IRX4: variants seen among roughly 807,000 people sequenced by gnomAD.
IRX4 encodes iroquois homeobox 4.
In IRX4, 22 loss-of-function variants were observed where a neutral mutation model predicts 32.0. The ratio of observed to expected loss-of-function variants is 0.69; its 90% CI spans 0.49 to 0.98. The LOEUF (loss-of-function observed/expected upper bound fraction) is 0.98, where lower values mean the gene tolerates loss of function less well. Among genes scored for constraint, IRX4 ranks in the 50% least tolerant of loss-of-function variants. The probability of loss-of-function intolerance (pLI) is 0.00; values close to 1 mark genes in which losing one functional copy is unlikely to be tolerated. For synonymous variants in IRX4, 379 were observed against 351.7 expected (o/e 1.08, Z -0.87); for missense variants, 840 against 744.2 (o/e 1.13, Z -1.50).
chr5:1,883,793 C>T (rs113210177), upstream of IRX4, among the ~76,000 whole-genome samples: 3 of 152,180 alleles, frequency 2.0e-5, no homozygotes, highest in Non-Finnish European at 2.9e-5. Context: ...CGGCTTCCCC[C>T]TGCCCCTCGC....
Position 1,877,945 on chromosome 5 carries a change from T to C in IRX4, c.*24A>G. On this transcript the variant is annotated 3_prime_UTR_variant, in exon 5 of 5. Coordinates refer to ENST00000231357, the MANE Select transcript of IRX4 (RefSeq NM_016358.3). Reference sequence around the variant, plus strand: ...GCCGTCCGCCTGAGCGCGGGTTCCCTCCTGGGCTCGGGACCCGCCCGCCTC... The same window carrying C: ...GCCGTCCGCCTGAGCGCGGGTTCCCCCCTGGGCTCGGGACCCGCCCGCCTC... The C allele has an allele frequency of 6.7e-7, 1 of 1,493,354 alleles. No individual in the cohort carries two copies. The highest frequency in any genetic ancestry group is 8.9e-7 in the Non-Finnish European group (1 of 1,124,130). 92.5% of individuals were successfully genotyped at this position (1,493,354 alleles called of 1,614,324 possible).
chr5:1,880,065 C>G lies in IRX4; in HGVS notation c.408-233G>C, dbSNP rs1360233309. On this transcript the variant is annotated intron_variant, in intron 3 of 4. Coordinates refer to ENST00000231357, the MANE Select transcript of IRX4 (RefSeq NM_016358.3). ...CAAAGATTATATTTGACTAAACTTA[C>G]AGGGAGCCTGGGCTCCTTCCCAAGC... is the stretch of plus-strand genomic sequence containing the variant. 4.6e-6 allele frequency: 7 copies of G among 1,533,832 alleles called. No homozygotes were observed. In the Admixed American group the frequency reaches 1.4e-4, roughly 30 times the overall value.
At position 1,882,006 on chromosome 5, in the gene IRX4, C is replaced by A. The variant is rs61751233; in HGVS notation, c.99G>T (p.Thr33=). 3.2e-3 allele frequency: 5,010 copies of A among 1,547,960 alleles called. 12 individuals are homozygous for A. Among genetic ancestry groups the A allele is most frequent in the Non-Finnish European group, 4.1e-3 (4,664 of 1,146,600 alleles). ...AGGCGGCGGGCCCGGAGTCCGCCAG[C>A]GTGCGGCCTCCGGACTCGCAGCACG... ...LSTCCESGGR[T]LADSGPAASA... is the part of the protein sequence containing the mutation. The change falls in exon 2 of 5, where the codon ACG becomes ACT. Residue 33 remains threonine (T), a synonymous_variant. Transcript: ENST00000231357.
In IRX4 at chr5:1,878,613, T is replaced by C. The variant is rs1395683715; in HGVS notation, c.916A>G (p.Met306Val). ...PVKEASGALR[M>V]SLAAGGGAAL... is the part of the protein sequence containing the mutation. ...GCTCCGCCACCCGCGGCCAGAGACA[T>C]CCGGAGCGCGCCTGAGGCCTCCTTG... The change falls in exon 5 of 5, where the codon ATG becomes GTG. Residue 306 changes from methionine (M) to valine (V), a missense_variant. Met to Val is a conservative substitution (Grantham distance 21). Transcript: ENST00000231357. 6.4e-7 allele frequency: 1 copy of C among 1,565,708 alleles called. No individual in the cohort carries two copies. Among genetic ancestry groups the C allele is most frequent in the African/African-American group, 1.4e-5 (1 of 73,386 alleles).
At chr5:1,882,150 G>C in intron 1 of IRX4, 91 bp from the exon 2 acceptor site, 2 of 1,431,534 alleles carry the variant, frequency 1.4e-6, no homozygotes, top group Non-Finnish European at 1.8e-6. Context: ...CCACGAGGGC[G>C]TGCCCCGAGT....
chr5:1,882,001 G>A lies in IRX4; in HGVS notation c.104C>T (p.Ala35Val). ...TCCESGGRTLADSGPAASAQA... is the reference protein window; with the variant it reads ...TCCESGGRTLVDSGPAASAQA... ...GGCCGAGGCGGCGGGCCCGGAGTCC[G>A]CCAGCGTGCGGCCTCCGGACTCGCA... Residue 35 changes from alanine (A) to valine (V), a missense_variant, in exon 2 of 5, where the codon GCG (alanine) becomes GTG (valine). Physicochemically the swap from Ala to Val is moderately conservative, Grantham distance 64. Transcript: ENST00000231357. 1.9e-6 allele frequency: 3 copies of A among 1,548,000 alleles called. No individual in the cohort carries two copies. The highest frequency in any genetic ancestry group is 2.6e-6 in the Non-Finnish European group (3 of 1,146,518).
rs6876836 is a variant in IRX4, at chr5:1,882,786, C to T, written c.-139G>A. 0.72 allele frequency: 329,686 copies of T among 459,362 alleles called. 119,523 individuals carry two copies. Among genetic ancestry groups the T allele is most frequent in the Non-Finnish European group, 0.75 (197,991 of 264,224 alleles). 28.5% of individuals were successfully genotyped at this position (459,362 alleles called of 1,614,324 possible). On this transcript the variant is annotated 5_prime_UTR_variant, in exon 1 of 5. Coordinates refer to ENST00000231357, the MANE Select transcript of IRX4 (RefSeq NM_016358.3). ...GCAGGAGAGCCGGTTAGTCCATCCC[C>T]GCGCTCCGCAAACTTTTCTAACCGG...
At position 1,879,550 on chromosome 5, in the gene IRX4, GC is replaced by G. The variant is rs1401497400; in HGVS notation, c.689del (p.Gly230AlafsTer46). The G allele has an allele frequency of 6.2e-7, 1 of 1,612,970 alleles. No individual in the cohort carries two copies. The highest frequency in any genetic ancestry group is 8.5e-7 in the Non-Finnish European group (1 of 1,179,936). On this transcript the variant is annotated frameshift_variant, in exon 4 of 5. Coordinates refer to ENST00000231357, the MANE Select transcript of IRX4 (RefSeq NM_016358.3). LOFTEE classifies it low-confidence loss of function (END_TRUNC). ...PYAEGEEEEG[G>X]EEEAREEPLK... ...GGGGCTCCTCCCGCGCCTCCTCCTC[GC>G]CCCCCTCCTCCTCCTCGCCCTCCGC...
At chr5:1,881,684 C>A (rs2111446634) in intron 2 of IRX4, 124 bp downstream of exon 2, 1 of 1,239,602 alleles carries the variant, frequency 8.1e-7, no homozygotes, top group Admixed American at 2.2e-5. Flanking sequence ...TTGAAGGCAG[C>A]CAAGGTGAGC....
At chr5:1,884,387 C>A (rs1197717914), upstream of IRX4, 1 of 152,396 alleles carries the variant, frequency 6.6e-6, no homozygotes, top group Non-Finnish European at 1.5e-5. Flanking sequence ...TCTGCCTGCT[C>A]TTTTGACAGC....
intron 2 of IRX4, 35 bp from the exon 3 acceptor site, chr5:1,880,869 A>G: frequency 6.5e-7 from 1 of 1,543,010 alleles, no homozygotes; most frequent in South Asian, 1.1e-5. Flanking sequence ...CGCAGTTTCC[A>G]GGGAGGCAAC....
chr5:1,878,482 G>C lies in IRX4; in HGVS notation c.1047C>G (p.Ala349=), dbSNP rs201313799. The change falls in exon 5 of 5, where the codon GCC becomes GCG. Residue 349 remains alanine (A), a synonymous_variant. Transcript: ENST00000231357. ...CCCCCGCCGGCACAAACCCCAGCTT[G>C]GCCTCGCAGACCTGAGGGCCGCCCT... ...GAEGGPQVCE[A]KLGFVPAGAS... 2.4e-3 allele frequency: 3,398 copies of C among 1,444,978 alleles called. 8 individuals are homozygous for C. Among genetic ancestry groups the C allele is most frequent in the Middle Eastern group, 0.019 (103 of 5,458 alleles). The allele number at this position is 1,444,978 out of a possible 1,614,324, so 89.5% of individuals were successfully genotyped here.
upstream of IRX4, among the ~76,000 whole-genome samples, chr5:1,886,234 G>C (rs924217510): frequency 6.6e-6 from 1 of 152,236 alleles, no homozygotes; most frequent in Non-Finnish European, 1.5e-5. Context: ...TTACCCTGGG[G>C]GCCACCAGTT....
At chr5:1,881,078 A>T (rs1489627606) in intron 2 of IRX4, 5 of 237,598 alleles carry the variant, frequency 2.1e-5, no homozygotes, top group African/African-American at 6.1e-5. Context: ...GGCGGGGGGG[A>T]GGAGGTGCAG....
At chr5:1,885,344 G>C (rs908328367), upstream of IRX4, among the ~76,000 whole-genome samples, 1 of 152,162 alleles carries the variant, frequency 6.6e-6, no homozygotes, top group African/African-American at 2.4e-5. Context: ...GGCTTCCTTT[G>C]ACCACCACCG....
At chr5:1,883,884 A>C (rs989952963), upstream of IRX4, 3 of 151,978 alleles carry the variant, frequency 2.0e-5, no homozygotes, top group African/African-American at 7.3e-5. Flanking sequence ...CCTCCCGCTA[A>C]GCTCGTCCCT....
At position 1,881,980 on chromosome 5, in the gene IRX4, G is replaced by T. The variant is rs751375320; in HGVS notation, c.125C>A (p.Ser42Ter). The change falls in exon 2 of 5, where the codon TCG (serine) becomes TAG (stop). Residue 42 changes from serine (S) to a stop codon, truncating the protein, a stop_gained. Coordinates refer to ENST00000231357, the MANE Select transcript of IRX4 (RefSeq NM_016358.3). LOFTEE classifies it high-confidence loss of function. ...CGGGCAGTAGACCGGCGCCTGGGCC[G>T]AGGCGGCGGGCCCGGAGTCCGCCAG... ...RTLADSGPAA[S>*]AQAPVYCPVY... is the part of the protein sequence containing the mutation. 3.2e-6 allele frequency: 5 copies of T among 1,551,738 alleles called. No individual in the cohort carries two copies. Among genetic ancestry groups the T allele is most frequent in the Non-Finnish European group, 3.5e-6 (4 of 1,148,166 alleles).
chr5:1,881,657 G>T (rs1427488223), intron 2 of IRX4, 151 bp downstream of exon 2: 5 of 963,782 alleles, frequency 5.2e-6, no homozygotes, highest in Non-Finnish European at 7.8e-6. Flanking sequence ...TGAGGGTCTC[G>T]GCTGGGAGGC....
rs922646357 is a variant in IRX4, at chr5:1,882,676, G to C, written c.-29C>G. On this transcript the variant is annotated 5_prime_UTR_variant, in exon 1 of 5. Transcript: ENST00000231357. ...GGGCGCGGCCCGGGGCGGACGGGCG[G>C]GGCCTGCAGGGTTCTGCGCGCTGGG... 5.9e-6 allele frequency: 8 copies of C among 1,352,136 alleles called. No individual in the cohort carries two copies. Among genetic ancestry groups the C allele is most frequent in the African/African-American group, 3.1e-5 (2 of 64,648 alleles). 83.8% of individuals were successfully genotyped at this position (1,352,136 alleles called of 1,614,324 possible). A position where few individuals can be genotyped will look rare whatever the true frequency, so the allele number is the denominator to read the frequency against.
Sources: allele counts gnomAD v4.1 joint callset (sites outside exome capture counted in the v4.1 genomes callset), GRCh38; gene constraint gnomAD v4.1.1; transcripts MANE v1.5; gene names NCBI Gene and HGNC (gene_info 2026-07-23, HGNC 2026-07-21).